The following SNX6 variants were observed in gnomAD, a reference collection of about 807,000 sequenced individuals.
SNX6 encodes the protein sorting nexin-6.
In SNX6, 34 loss-of-function variants were observed where a neutral mutation model predicts 63.0. That is an observed-to-expected ratio of 0.54 (90% CI 0.41 to 0.72). The LOEUF (loss-of-function observed/expected upper bound fraction) is 0.72, where lower values mean the gene tolerates loss of function less well. Among genes scored for constraint, SNX6 ranks in the 30% least tolerant of loss-of-function variants. The probability of loss-of-function intolerance (pLI) is 0.00; values close to 1 mark genes in which losing one functional copy is unlikely to be tolerated. For missense variants in SNX6, 398 were observed against 471.4 expected (o/e 0.84, Z 1.44); for synonymous variants, 170 against 164.2 (o/e 1.04, Z -0.27).
rs865989125 is a variant in SNX6 at position 34,614,399 on chromosome 14, T to C, written c.55-4657A>G. Among the ~76,000 whole-genome samples, 11 of 151,102 alleles carry C rather than the reference T, an allele frequency of 7.3e-5. No individual in the cohort carries two copies. In the Middle Eastern group the frequency reaches 0.01, roughly 140 times the overall value. On this transcript the variant is annotated intron_variant, in intron 2 of 13. Transcript: ENST00000362031. The stretch of plus-strand genomic sequence containing the variant: ...CTGCAGTGAGCCAAGAAACTGCCAA[T>C]GCACTCCAGCCTGGGTGACAAAGTG...
chr14:34,582,618 T>G (rs1300778694), intron 9 of SNX6, among the ~76,000 whole-genome samples: 1 of 152,120 alleles, frequency 6.6e-6, no homozygotes. Context: ...TAGCGCCATC[T>G]CACTGCAACC....
At chr14:34,575,306 T>C (rs1881648387) in intron 11 of SNX6, among the ~76,000 whole-genome samples, 1 of 151,594 alleles carries the variant, frequency 6.6e-6, no homozygotes, top group Non-Finnish European at 1.5e-5. Context: ...GTTCAAGTGA[T>C]TCTCCCACCT....
chr14:34,623,488 G>A (rs978060444), intron 2 of SNX6, among the ~76,000 whole-genome samples: 2 of 152,092 alleles, frequency 1.3e-5, no homozygotes, highest in Non-Finnish European at 2.9e-5. Flanking sequence ...CGTGCTATAT[G>A]GTTTAATCAT....
At chr14:34,610,544 T>C (rs1883189101) in intron 2 of SNX6, among the ~76,000 whole-genome samples, 1 of 152,150 alleles carries the variant, frequency 6.6e-6, no homozygotes. Flanking sequence ...AATGAAACTA[T>C]CAAATATAAT....
At chr14:34,576,094 T>G (rs1392422378) in intron 10 of SNX6, among the ~76,000 whole-genome samples, 1 of 151,806 alleles carries the variant, frequency 6.6e-6, no homozygotes, top group Non-Finnish European at 1.5e-5. Flanking sequence ...CGGCTATTTT[T>G]TTTGTATTTT....
Position 34,575,730 on chromosome 14 carries a change from C to T in SNX6, c.921+26G>A, listed in dbSNP as rs1328029473. Reference sequence around the variant, plus strand: ...CAAGAAATGGCTGTTTGTAAAATGGCTCATTTAAAAAAAGATTAAAATTAC... The same window carrying T: ...CAAGAAATGGCTGTTTGTAAAATGGTTCATTTAAAAAAAGATTAAAATTAC... On this transcript the variant is annotated intron_variant, in intron 11 of 13. Coordinates refer to ENST00000362031, the MANE Select transcript of SNX6 (RefSeq NM_152233.4). 5.2e-6 allele frequency: 7 copies of T among 1,343,954 alleles called. No homozygotes were observed. In the African/African-American group the frequency reaches 5.9e-5, roughly 11 times the overall value. The allele number at this position is 1,343,954 out of a possible 1,614,324, so 83.3% of individuals were successfully genotyped here. A position where few individuals can be genotyped will look rare whatever the true frequency, so the allele number is the denominator to read the frequency against.
chr14:34,603,566 C>A, intron 5 of SNX6, 95 bp from the exon 6 acceptor site: 1 of 1,025,014 alleles, frequency 9.8e-7, no homozygotes, highest in Non-Finnish European at 1.4e-6. Context: ...TGGATTATTC[C>A]GAATGCAAAT....
At chr14:34,622,362 C>T (rs1056264285) in intron 2 of SNX6, among the ~76,000 whole-genome samples, 1 of 151,186 alleles carries the variant, frequency 6.6e-6, no homozygotes, top group Non-Finnish European at 1.5e-5. Context: ...GGGTGGATCA[C>T]GAGGTCAGGA....
At chr14:34,629,678 G>C (rs1050086904) in intron 2 of SNX6, 2 of 740,140 alleles carry the variant, frequency 2.7e-6, no homozygotes, top group Non-Finnish European at 2.3e-6. Flanking sequence ...GGCCCGAACA[G>C]CGGCGGGGGA....
At chr14:34,603,058 A>T (rs528123909) in intron 6 of SNX6, among the ~76,000 whole-genome samples, 1 of 151,734 alleles carries the variant, frequency 6.6e-6, no homozygotes, top group South Asian at 2.1e-4. Flanking sequence ...TGGGTGGATC[A>T]TGAGGTCAGG....
At chr14:34,565,357 G>A (rs1275598533) in intron 13 of SNX6, among the ~76,000 whole-genome samples, 1 of 151,704 alleles carries the variant, frequency 6.6e-6, no homozygotes, top group Non-Finnish European at 1.5e-5. Context: ...GATTACAGGC[G>A]TGAGCCACCG....
chr14:34,582,505 C>T (rs34068551), intron 9 of SNX6, among the ~76,000 whole-genome samples: 57,084 of 151,640 alleles, frequency 0.38, 12,548 homozygotes, highest in East Asian at 0.74. Flanking sequence ...GAGTGCTGGG[C>T]CCCATTTCAA....
chr14:34,619,308 G>A (rs1254402203), intron 2 of SNX6, among the ~76,000 whole-genome samples: 1 of 152,070 alleles, frequency 6.6e-6, no homozygotes, highest in African/African-American at 2.4e-5. Context: ...TGTAGTCCCT[G>A]CTACTTGGGA....
At chr14:34,583,437 C>CT (rs34703258) in intron 9 of SNX6, among the ~76,000 whole-genome samples, 32 of 108,066 alleles carry the variant, frequency 3.0e-4, no homozygotes, top group African/African-American at 4.4e-4. Flanking sequence ...TCATTTTTTT[C>CT]TTTTTTTTTT....
chr14:34,591,956 G>C (rs1000571348), intron 8 of SNX6, among the ~76,000 whole-genome samples: 1 of 152,150 alleles, frequency 6.6e-6, no homozygotes, highest in Non-Finnish European at 1.5e-5. Flanking sequence ...TCATACTTGA[G>C]TATGTAGCCA....
At chr14:34,576,756 A>T (rs2138281400) in intron 10 of SNX6, among the ~76,000 whole-genome samples, 1 of 151,998 alleles carries the variant, frequency 6.6e-6, no homozygotes, top group South Asian at 2.1e-4. Flanking sequence ...GTCAGACTCT[A>T]TAATGAGTTT....
At chr14:34,597,717 TA>T (rs1882658862) in intron 6 of SNX6, 72 bp from the exon 7 acceptor site, 1 of 777,020 alleles carries the variant, frequency 1.3e-6, no homozygotes, top group African/African-American at 1.7e-5. Context: ...CTTTGATATT[TA>T]AATGGCAATC....
At chr14:34,568,069 A>G in intron 11 of SNX6, 56 bp from the exon 12 acceptor site, 1 of 1,456,066 alleles carries the variant, frequency 6.9e-7, no homozygotes, top group Non-Finnish European at 9.4e-7. Flanking sequence ...CAGTAGTCAC[A>G]CCCAGCCACC....
intron 6 of SNX6, among the ~76,000 whole-genome samples, chr14:34,601,328 C>A (rs1422313372): frequency 6.7e-6 from 1 of 149,386 alleles, no homozygotes; most frequent in Non-Finnish European, 1.5e-5. Flanking sequence ...CGGGGTCAAG[C>A]GATTCTCTTG....
Sources: gnomAD v4.1 joint callset for allele counts (sites outside exome capture counted in the v4.1 genomes callset) on GRCh38, gnomAD v4.1.1 for gene constraint, MANE v1.5 for transcripts, NCBI Gene and HGNC (gene_info 2026-07-23, HGNC 2026-07-21) for gene names.